The following ATP8A2 variants were observed in gnomAD, a reference collection of about 807,000 sequenced individuals.
The protein encoded by ATP8A2 is phospholipid-transporting ATPase IB.
Under a neutral mutation model 165.6 loss-of-function variants are expected in ATP8A2, and 100 were observed. The ratio of observed to expected loss-of-function variants is 0.60; its 90% CI spans 0.51 to 0.71. The LOEUF is 0.71. Ranked by LOEUF, ATP8A2 falls within the 30% of genes least tolerant of loss-of-function variation. ATP8A2 has a pLI of 0.00. For missense variants in ATP8A2, 1,227 were observed against 1,479.5 expected (o/e 0.83, Z 2.80); for synonymous variants, 543 against 548.8 (o/e 0.99, Z 0.15).
intron 25 of ATP8A2, among the ~76,000 whole-genome samples, chr13:25,733,082 A>G (rs954284588): frequency 5.3e-5 from 8 of 152,218 alleles, no homozygotes; most frequent in Non-Finnish European, 1.0e-4. Flanking sequence ...ATGAAATACT[A>G]CAGAAGATGG....
chr13:25,571,561 C>A, intron 17 of ATP8A2, 49 bp from the exon 18 acceptor site: 1 of 1,383,682 alleles, frequency 7.2e-7, no homozygotes, highest in Non-Finnish European at 1.0e-6. Context: ...AAACAGAATT[C>A]TGTCACTACC....
chr13:25,487,341 A>G (rs1242475447), intron 2 of ATP8A2, among the ~76,000 whole-genome samples: 1 of 152,188 alleles, frequency 6.6e-6, no homozygotes, highest in African/African-American at 2.4e-5. Context: ...TCCATTGCAT[A>G]AGAAAAATCT....
rs145041770 is a variant in ATP8A2 at position 25,402,197 on chromosome 13, C to T, written c.76+29909C>T. On this transcript the variant is annotated intron_variant, in intron 1 of 36. Transcript: ENST00000381655. ...CTAGGTGGGAAGGAGCAGGATGGTG[C>T]GAGATTTCATCATGCCACTCAGAAC... is the stretch of plus-strand genomic sequence containing the variant. Among the ~76,000 whole-genome samples, 101 of 152,190 alleles carry T rather than the reference C, an allele frequency of 6.6e-4. 2 individuals carry two copies. In the East Asian group the frequency reaches 0.019, roughly 29 times the overall value.
chr13:25,535,432 T>A (rs189874734), intron 6 of ATP8A2, among the ~76,000 whole-genome samples: 130 of 152,046 alleles, frequency 8.6e-4, no homozygotes, highest in African/African-American at 3.0e-3. Context: ...GAGGCTAGAG[T>A]GGATTCAGGG....
At chr13:25,417,524 A>T (rs775765531) in intron 1 of ATP8A2, among the ~76,000 whole-genome samples, 1 of 84,558 alleles carries the variant, frequency 1.2e-5, no homozygotes, top group South Asian at 3.3e-4. Flanking sequence ...CATGGTACAG[A>T]TGGGATTAAA....
intron 1 of ATP8A2, among the ~76,000 whole-genome samples, chr13:25,410,870 T>G (rs1273498583): frequency 6.6e-6 from 1 of 152,230 alleles, no homozygotes; most frequent in Non-Finnish European, 1.5e-5. Flanking sequence ...CTTCTAGGCC[T>G]GCAGCCTGCT....
At chr13:25,859,566 A>G (rs1952281750) in intron 30 of ATP8A2, among the ~76,000 whole-genome samples, 1 of 145,618 alleles carries the variant, frequency 6.9e-6, no homozygotes, top group South Asian at 2.1e-4. Flanking sequence ...TTGAAAAGAA[A>G]AAAAAAAAAA....
At chr13:25,980,800 G>A (rs1328558197) in intron 35 of ATP8A2, among the ~76,000 whole-genome samples, 1 of 152,182 alleles carries the variant, frequency 6.6e-6, no homozygotes, top group Non-Finnish European at 1.5e-5. Context: ...GAGTCCAGGA[G>A]TTTGAGGCTG....
At chr13:25,955,686 C>A (rs1955501501) in intron 33 of ATP8A2, among the ~76,000 whole-genome samples, 1 of 152,180 alleles carries the variant, frequency 6.6e-6, no homozygotes, top group African/African-American at 2.4e-5. Context: ...CAGCTGAATT[C>A]CACCAGAGGT....
chr13:25,877,887 T>G (rs1348446164), intron 33 of ATP8A2, among the ~76,000 whole-genome samples: 2 of 152,208 alleles, frequency 1.3e-5, no homozygotes, highest in East Asian at 3.9e-4. Context: ...AAAGGGAACA[T>G]GCTGCATTTC....
At chr13:25,503,836 G>T (rs1258219231) in intron 2 of ATP8A2, among the ~76,000 whole-genome samples, 1 of 152,150 alleles carries the variant, frequency 6.6e-6, no homozygotes, top group Non-Finnish European at 1.5e-5. Context: ...CATTTGGTAG[G>T]TAGAGGCATA....
intron 1 of ATP8A2, among the ~76,000 whole-genome samples, chr13:25,399,862 ATCT>A (rs895826904): frequency 1.8e-4 from 21 of 114,618 alleles, no homozygotes; most frequent in Middle Eastern, 8.3e-3. Flanking sequence ...CTCCTCTTTC[ATCT>A]TCTTCTTCTT....
intron 1 of ATP8A2, among the ~76,000 whole-genome samples, chr13:25,439,338 G>A (rs1294821494): frequency 6.6e-6 from 1 of 152,284 alleles, no homozygotes; most frequent in South Asian, 2.1e-4. Flanking sequence ...TCAAAAAAAG[G>A]ACATCATGGA....
chr13:25,928,676 G>A (rs541776836), intron 33 of ATP8A2, among the ~76,000 whole-genome samples: 5 of 152,238 alleles, frequency 3.3e-5, no homozygotes, highest in East Asian at 1.9e-4. Context: ...TTGACTTTCC[G>A]TCACTATTGT....
chr13:26,013,929 T>C (rs1956906135), intron 36 of ATP8A2, among the ~76,000 whole-genome samples: 1 of 152,192 alleles, frequency 6.6e-6, no homozygotes, highest in Admixed American at 6.5e-5. Context: ...TGTCCTTTAA[T>C]GCTCCACTGC....
chr13:25,731,331 A>AAG (rs1381021592), intron 25 of ATP8A2, among the ~76,000 whole-genome samples: 78 of 147,030 alleles, frequency 5.3e-4, no homozygotes, highest in Non-Finnish European at 1.0e-3. Flanking sequence ...AGAGAAAGAG[A>AAG]GAAAGGGAAA....
chr13:25,577,079 A>C lies in ATP8A2; in HGVS notation c.1723A>C (p.Arg575=). 6.2e-7 allele frequency: 1 copy of C among 1,613,694 alleles called. No homozygotes were observed. Among genetic ancestry groups the C allele is most frequent in the Non-Finnish European group, 8.5e-7 (1 of 1,179,646 alleles). ...NVLEFSSDRK[R]MSVIVRTPSG... ...TTTTCACTCTCCCAGTGACAGAAAA[A>C]GAATGTCTGTAATTGTTCGAACTCC... Residue 575 remains arginine (R), a synonymous_variant, in exon 20 of 37, where the codon AGA becomes CGA. Transcript: ENST00000381655.
intron 35 of ATP8A2, among the ~76,000 whole-genome samples, chr13:26,006,192 A>G (rs1335769462): frequency 6.6e-6 from 1 of 152,044 alleles, no homozygotes; most frequent in African/African-American, 2.4e-5. Flanking sequence ...TAATGTTTTC[A>G]GAAGTGTTTT....
chr13:25,595,310 A>G (rs2040207697), intron 24 of ATP8A2, among the ~76,000 whole-genome samples: 1 of 152,228 alleles, frequency 6.6e-6, no homozygotes, highest in African/African-American at 2.4e-5. Flanking sequence ...TGAAATAAGT[A>G]TGTACAGTCA....
Sources: gnomAD v4.1 joint callset for allele counts (sites outside exome capture counted in the v4.1 genomes callset) on GRCh38, gnomAD v4.1.1 for gene constraint, MANE v1.5 for transcripts, NCBI Gene and HGNC (gene_info 2026-07-23, HGNC 2026-07-21) for gene names.